ITPR3: variants seen among roughly 807,000 people sequenced by gnomAD.
ITPR3 encodes the protein inositol 1,4,5-trisphosphate-gated calcium channel ITPR3.
ITPR3 carries 173 observed loss-of-function variants against 293.2 expected under a neutral mutation model. The observed-to-expected ratio is 0.59, with a 90% CI of 0.52 to 0.67. ITPR3 has a LOEUF of 0.67. Ranked by LOEUF, ITPR3 falls within the 30% of genes least tolerant of loss-of-function variation. The pLI is 0.00. For synonymous variants in ITPR3, 1,295 were observed against 1,444.4 expected (o/e 0.90, Z 2.35); for missense variants, 2,796 against 3,592.1 (o/e 0.78, Z 5.66).
At chr6:33,625,836 G>A (rs1432233527) in intron 1 of ITPR3, among the ~76,000 whole-genome samples, 1 of 152,192 alleles carries the variant, frequency 6.6e-6, no homozygotes, top group Non-Finnish European at 1.5e-5. Context: ...TATAGACGAA[G>A]CCCCAGGTCT....
chr6:33,624,473 C>T lies in ITPR3; in HGVS notation c.89+2782C>T, dbSNP rs1222708215. ...AATGCAGAATCTCAGACCCCGTGCC[C>T]GTCCTACTGAATGAGAATCTGCATT... On this transcript the variant is annotated intron_variant, in intron 1 of 57. Coordinates refer to ENST00000605930, the MANE Select transcript of ITPR3 (RefSeq NM_002224.4). This position sits in a 1 kb window ranked among gnomAD's most constrained non-coding sequence, Gnocchi z 4.7. Among the ~76,000 whole-genome samples the T allele has an allele frequency of 6.6e-6, 1 of 152,220 alleles. No homozygotes were observed. The highest frequency in any genetic ancestry group is 2.4e-5 in the African/African-American group (1 of 41,440).
At position 33,685,775 on chromosome 6, in the gene ITPR3, C is replaced by T; in HGVS notation, c.5615C>T (p.Pro1872Leu). The change falls in exon 41 of 58, where the codon CCC becomes CTC. Residue 1872 changes from proline (P) to leucine (L), a missense_variant. Around this residue, in one of 8 missense-constraint regions of ITPR3, gnomAD observed 704 missense variants for 797.5 expected, o/e 0.88. Coordinates refer to ENST00000605930, the MANE Select transcript of ITPR3 (RefSeq NM_002224.4). ...GGCACATCCGTGCTCATCATGCAGC[C>T]CATCCTGCGCTTTCTGCAGCTGCTG... Reference protein sequence around the residue: ...EMGTSVLIMQPILRFLQLLCE... With the variant: ...EMGTSVLIMQLILRFLQLLCE... 6.3e-7 allele frequency: 1 copy of T among 1,594,760 alleles called. No individual in the cohort carries two copies. Among genetic ancestry groups the T allele is most frequent in the Non-Finnish European group, 8.6e-7 (1 of 1,167,868 alleles).
chr6:33,640,557 A>G lies in ITPR3; in HGVS notation c.160+3A>G, dbSNP rs1299520228. On this transcript the variant is annotated splice_donor_region_variant and intron_variant, in intron 2 of 57. Coordinates refer to ENST00000605930, the MANE Select transcript of ITPR3 (RefSeq NM_002224.4). ...CAACCCCCCTAAGAAGTTCCGTGGTAAGACCTCCGCTTCCTCTGCCCCCGC... is the reference window on the plus strand; with the variant it reads ...CAACCCCCCTAAGAAGTTCCGTGGTGAGACCTCCGCTTCCTCTGCCCCCGC... 1 of 1,610,626 alleles carries G rather than the reference A, an allele frequency of 6.2e-7. No homozygotes were observed. The highest frequency in any genetic ancestry group is 8.5e-7 in the Non-Finnish European group (1 of 1,178,320).
chr6:33,690,935 C>T lies in ITPR3; in HGVS notation c.7051C>T (p.Arg2351Cys), dbSNP rs1450982494. The T allele has an allele frequency of 1.9e-6, 3 of 1,613,988 alleles. No homozygotes were observed. The highest frequency in any genetic ancestry group is 1.3e-5 in the African/African-American group (1 of 74,916). Residue 2351 changes from arginine (R) to cysteine (C), a missense_variant, in exon 52 of 58, where the codon CGC becomes TGC. Transcript: ENST00000605930. The stretch of plus-strand genomic sequence containing the variant: ...CCTGCAGCTCTTTGACCTCATCTAC[C>T]GCGAGGAGACGCTGTTCAACGTCAT... ...YSILLFDLIY[R>C]EETLFNVIKS...
At position 33,667,985 on chromosome 6, in the gene ITPR3, C is replaced by T. The variant is rs544280557; in HGVS notation, c.1886+21C>T. On this transcript the variant is annotated intron_variant, in intron 16 of 57. Transcript: ENST00000605930. This position sits in a 1 kb window ranked among gnomAD's most constrained non-coding sequence, Gnocchi z 4.4. ...CCCAGGTGGGCCCGAACCCCCTCCC[C>T]GGCCGGCGCCTGCTCCTCCCTCCTC... is the stretch of plus-strand genomic sequence containing the variant. 2.2e-5 allele frequency: 36 copies of T among 1,612,480 alleles called. No homozygotes were observed. The highest frequency in any genetic ancestry group is 3.3e-5 in the Admixed American group (2 of 59,974).
At position 33,672,901 on chromosome 6, in the gene ITPR3, G is replaced by T. The variant is rs546774895; in HGVS notation, c.2928+673G>T. ...CTCCCCAGCCACACCCCAGGAAGGGGCTCATCCCCGAGGAGGGATGAGGAT... is the reference window on the plus strand; with the variant it reads ...CTCCCCAGCCACACCCCAGGAAGGGTCTCATCCCCGAGGAGGGATGAGGAT... On this transcript the variant is annotated intron_variant, in intron 22 of 57. Transcript: ENST00000605930. The surrounding 1 kb of genome is among the most constrained non-coding windows in gnomAD (Gnocchi z 5.0). 1.3e-4 allele frequency among the ~76,000 whole-genome samples: 20 copies of T among 152,338 alleles called. No individual in the cohort carries two copies. The South Asian group carries it at 4.1e-3, about 32-fold the overall frequency.
At position 33,682,475 on chromosome 6, in the gene ITPR3, C is replaced by T. The variant is rs370114624; in HGVS notation, c.4477-49C>T. On this transcript the variant is annotated intron_variant, in intron 33 of 57. Transcript: ENST00000605930. This position sits in a 1 kb window ranked among gnomAD's most constrained non-coding sequence, Gnocchi z 5.4. ...CCCTGGTTCCTGGACCTGGGGTTGC[C>T]CAGGGTGGGGGCCTGGGCTGCAGCA... The T allele has an allele frequency of 1.6e-4, 239 of 1,469,750 alleles. No homozygotes were observed. Among genetic ancestry groups the T allele is most frequent in the Non-Finnish European group, 2.1e-4 (232 of 1,111,576 alleles). 91.0% of individuals were successfully genotyped at this position (1,469,750 alleles called of 1,614,324 possible). A position where few individuals can be genotyped will look rare whatever the true frequency, so the allele number is the denominator to read the frequency against.
In ITPR3 at chr6:33,665,850, G is replaced by A. The variant is rs768345731; in HGVS notation, c.1425G>A (p.Leu475=). Residue 475 remains leucine, a synonymous_variant, in exon 14 of 58, where the codon CTG becomes CTA. Coordinates refer to ENST00000605930, the MANE Select transcript of ITPR3 (RefSeq NM_002224.4). Reference sequence around the variant, plus strand: ...CCTCACCCAGGTTTGTCATCCAGCTGCTGGAAGACCTGGTGTTCTTTGTCA... The same window carrying A: ...CCTCACCCAGGTTTGTCATCCAGCTACTGGAAGACCTGGTGTTCTTTGTCA... ...SQNDRRFVIQ[L]LEDLVFFVSD... is the part of the protein sequence containing the mutation. 1 of 1,614,102 alleles carries A rather than the reference G, an allele frequency of 6.2e-7. No homozygotes were observed. The highest frequency in any genetic ancestry group is 8.5e-7 in the Non-Finnish European group (1 of 1,179,960).
Position 33,694,955 on chromosome 6 carries a change from G to A in ITPR3, c.7817G>A (p.Arg2606Gln), listed in dbSNP as rs148037665. The change falls in exon 57 of 58, where the codon CGG (arginine) becomes CAG (glutamine). Residue 2606 changes from arginine (R) to glutamine (Q), a missense_variant. Coordinates refer to ENST00000605930, the MANE Select transcript of ITPR3 (RefSeq NM_002224.4). ...NKNLDWFPRM[R>Q]AMSLVSNEGE... ...AACCTGGACTGGTTCCCCCGGATGCGGGCCATGTCCCTTGTCAGCAATGAG... is the reference window on the plus strand; with the variant it reads ...AACCTGGACTGGTTCCCCCGGATGCAGGCCATGTCCCTTGTCAGCAATGAG... 505 of 1,613,986 alleles carry A rather than the reference G, an allele frequency of 3.1e-4. 1 individual carries two copies. The highest frequency in any genetic ancestry group is 4.1e-4 in the Non-Finnish European group (486 of 1,180,026).
In ITPR3 at chr6:33,683,081, G is replaced by A. The variant is rs985701546; in HGVS notation, c.4598-126G>A. ...TCAAGCATAGGCCGGGGTGGGGGGG[G>A]TCTCTGTCTCCCAGACCCTTGGTCT... On this transcript the variant is annotated intron_variant, in intron 34 of 57. Transcript: ENST00000605930. The surrounding 1 kb of genome is among the most constrained non-coding windows in gnomAD (Gnocchi z 4.5). 6 of 632,946 alleles carry A rather than the reference G, an allele frequency of 9.5e-6. No homozygotes were observed. In the African/African-American group the frequency reaches 9.7e-5, roughly 10 times the overall value. 39.2% of individuals were successfully genotyped at this position (632,946 alleles called of 1,614,324 possible). A position where few individuals can be genotyped will look rare whatever the true frequency, so the allele number is the denominator to read the frequency against.
intron 33 of ITPR3, among the ~76,000 whole-genome samples, chr6:33,680,946 G>A (rs1167979135): frequency 1.3e-5 from 2 of 150,854 alleles, no homozygotes; most frequent in Admixed American, 6.6e-5. Flanking sequence ...TCAGCCTCCC[G>A]AGTAGCTGGG....
chr6:33,670,694 C>T lies in ITPR3; in HGVS notation c.2465C>T (p.Ser822Phe). The T allele has an allele frequency of 6.2e-7, 1 of 1,614,104 alleles. No individual in the cohort carries two copies. Among genetic ancestry groups the T allele is most frequent in the African/African-American group, 1.3e-5 (1 of 75,024 alleles). Residue 822 changes from serine (S) to phenylalanine (F), a missense_variant, in exon 20 of 58, where the codon TCC becomes TTC. Coordinates refer to ENST00000605930, the MANE Select transcript of ITPR3 (RefSeq NM_002224.4). The surrounding 1 kb of genome is among the most constrained non-coding windows in gnomAD (Gnocchi z 6.7). ...IKDYDSNLNA[S>F]RDDKKNKFAN... The stretch of plus-strand genomic sequence containing the variant: ...AGCTATGATTCCAACCTCAACGCGT[C>T]CCGAGATGACAAGAAGAACAAGTTT...
chr6:33,654,465 G>A lies in ITPR3; in HGVS notation c.161-1301G>A, dbSNP rs1764261498. The stretch of plus-strand genomic sequence containing the variant: ...GAAGTTCTGTCTTCCTTGATCTTTG[G>A]TTCACTCTGTTTCTACTCCCGATGG... On this transcript the variant is annotated intron_variant, in intron 2 of 57. Coordinates refer to ENST00000605930, the MANE Select transcript of ITPR3 (RefSeq NM_002224.4). This position sits in a 1 kb window ranked among gnomAD's most constrained non-coding sequence, Gnocchi z 4.1. Among the ~76,000 whole-genome samples, 1 of 151,936 alleles carries A rather than the reference G, an allele frequency of 6.6e-6. No homozygotes were observed. The highest frequency in any genetic ancestry group is 1.5e-5 in the Non-Finnish European group (1 of 68,002).
intron 1 of ITPR3, among the ~76,000 whole-genome samples, chr6:33,634,599 C>G (rs936044563): frequency 6.6e-6 from 1 of 152,134 alleles, no homozygotes; most frequent in Non-Finnish European, 1.5e-5. Flanking sequence ...CCCTTCTGAC[C>G]GGTCCCTCCC....
In ITPR3 at chr6:33,679,962, C is replaced by T. The variant is rs142408977; in HGVS notation, c.4053C>T (p.Ala1351=). 1.1e-4 allele frequency: 177 copies of T among 1,613,762 alleles called. 2 individuals carry two copies. Among genetic ancestry groups the T allele is most frequent in the South Asian group, 5.7e-4 (52 of 91,088 alleles). Reference sequence around the variant, plus strand: ...CCCACCTGCTGGACATGATGAAGGCCGCCCGCGACGGCGTGGAGGACCACA... The same window carrying T: ...CCCACCTGCTGGACATGATGAAGGCTGCCCGCGACGGCGTGGAGGACCACA... ...SLAHLLDMMK[A]ARDGVEDHSP... is the part of the protein sequence containing the mutation. The change falls in exon 31 of 58, where the codon GCC becomes GCT. Residue 1351 remains alanine, a synonymous_variant. Transcript: ENST00000605930. This position sits in a 1 kb window ranked among gnomAD's most constrained non-coding sequence, Gnocchi z 4.2.
At chr6:33,685,298 C>T (rs1237678969) in intron 39 of ITPR3, 61 bp from the exon 40 acceptor site, 20 of 1,467,502 alleles carry the variant, frequency 1.4e-5, no homozygotes, top group Admixed American at 3.5e-5. Context: ...GCCTGCCCCA[C>T]GCCCTGAGTA....
rs778621027 is a variant in ITPR3 at position 33,677,056 on chromosome 6, G to C, written c.3489G>C (p.Glu1163Asp). Residue 1163 changes from glutamate (E) to aspartate (D), a missense_variant, in exon 27 of 58, where the codon GAG (glutamate) becomes GAC (aspartate). Glu to Asp is a conservative substitution (Grantham distance 45). This residue lies in a region of ITPR3 where 344 missense variants were observed against 460.3 expected (regional missense o/e 0.75). Transcript: ENST00000605930. ...AGGGCTTTCTGCACCCACCAGGGGA[G>C]AAAAGCAGTGAGAACTACCAGATCG... ...DEEGFLHPPG[E>D]KSSENYQIVK... 97 of 1,614,196 alleles carry C rather than the reference G, an allele frequency of 6.0e-5. 1 individual carries two copies. In the South Asian group the frequency reaches 8.0e-4, roughly 13 times the overall value.
intron 6 of ITPR3, 145 bp from the exon 7 acceptor site, chr6:33,659,321 C>A: frequency 1.1e-6 from 1 of 875,698 alleles, no homozygotes; most frequent in Non-Finnish European, 1.8e-6. Context: ...GGTAGCCGGG[C>A]TGGGGTCTGG....
intron 1 of ITPR3, among the ~76,000 whole-genome samples, chr6:33,626,109 A>G (rs969235559): frequency 6.6e-6 from 1 of 151,902 alleles, no homozygotes; most frequent in African/African-American, 2.4e-5. Context: ...TAGTTTTTGT[A>G]TTTTTTATAG....
Sources: allele counts gnomAD v4.1 joint callset (sites outside exome capture counted in the v4.1 genomes callset), GRCh38; gene constraint gnomAD v4.1.1; regional missense constraint gnomAD v4.1.1; non-coding constraint Gnocchi (gnomAD v3.1); transcripts MANE v1.5; gene names NCBI Gene and HGNC (gene_info 2026-07-23, HGNC 2026-07-21).